The following KPNA6 variants were observed in gnomAD, a reference collection of about 807,000 sequenced individuals.
KPNA6 encodes the protein importin subunit alpha-7.
KPNA6 carries 9 observed loss-of-function variants against 72.0 expected under a neutral mutation model. The observed-to-expected ratio is 0.13, with a 90% CI of 0.08 to 0.22. The LOEUF is 0.22. KPNA6 is among the 10% of genes least tolerant of loss of function. KPNA6 has a pLI of 1.00. For missense variants in KPNA6, 374 were observed against 655.7 expected, an observed-to-expected ratio of 0.57 and a Z score of 4.69; for synonymous variants, 219 against 242.1, an observed-to-expected ratio of 0.90 and a Z score of 0.89.
intron 1 of KPNA6, among the ~76,000 whole-genome samples, chr1:32,118,968 A>ATGTGTG (rs1471672131): frequency 7.7e-6 from 1 of 129,614 alleles, no homozygotes; most frequent in Non-Finnish European, 1.6e-5. Flanking sequence ...GTCAAGCCAT[A>ATGTGTG]TATATGTGTG....
intron 1 of KPNA6, among the ~76,000 whole-genome samples, chr1:32,137,955 T>C (rs1156792076): frequency 1.3e-5 from 2 of 149,600 alleles, no homozygotes; most frequent in African/African-American, 4.9e-5. Context: ...GCCAACATGG[T>C]GAAACCCCAT....
In KPNA6 at chr1:32,173,121, C is replaced by G; in HGVS notation, c.*2227C>G. 3.2e-6 allele frequency: 1 copy of G among 314,540 alleles called. No homozygotes were observed. Among genetic ancestry groups the G allele is most frequent in the East Asian group, 4.9e-5 (1 of 20,484 alleles). The allele number at this position is 314,540 out of a possible 1,614,324, so 19.5% of individuals were successfully genotyped here. On this transcript the variant is annotated 3_prime_UTR_variant, in exon 14 of 14. Coordinates refer to ENST00000373625, the MANE Select transcript of KPNA6 (RefSeq NM_012316.5). ...CTCCCAGGAAGGCAGGGGGCAGAATCTTTTTTTCACTTGGCCTGCTACCTC... is the reference window on the plus strand; with the variant it reads ...CTCCCAGGAAGGCAGGGGGCAGAATGTTTTTTTCACTTGGCCTGCTACCTC...
At chr1:32,152,706 G>C (rs1342151182) in intron 1 of KPNA6, among the ~76,000 whole-genome samples, 1 of 151,904 alleles carries the variant, frequency 6.6e-6, no homozygotes, top group Non-Finnish European at 1.5e-5. Flanking sequence ...TTAGCCAGAC[G>C]TGGTGGCGGG....
At chr1:32,132,904 A>G (rs1325369004) in intron 1 of KPNA6, among the ~76,000 whole-genome samples, 4 of 151,182 alleles carry the variant, frequency 2.6e-5, no homozygotes, top group Non-Finnish European at 5.9e-5. Flanking sequence ...CTCCGTCTCA[A>G]AGAAAAAATA....
intron 1 of KPNA6, among the ~76,000 whole-genome samples, chr1:32,119,664 A>G (rs2124524957): frequency 6.6e-6 from 1 of 152,168 alleles, no homozygotes; most frequent in Admixed American, 6.6e-5. Flanking sequence ...AATTGTTGCC[A>G]TGGGGAAATG....
At chr1:32,128,403 A>G (rs868668638) in intron 1 of KPNA6, among the ~76,000 whole-genome samples, 5 of 124,552 alleles carry the variant, frequency 4.0e-5, no homozygotes, top group Non-Finnish European at 8.4e-5. Context: ...ATATATATAT[A>G]TATATATATA....
At chr1:32,151,052 C>G (rs1271774768) in intron 1 of KPNA6, among the ~76,000 whole-genome samples, 1 of 152,166 alleles carries the variant, frequency 6.6e-6, no homozygotes, top group Non-Finnish European at 1.5e-5. Context: ...CTCAGCCTTC[C>G]AAAGTGCTGA....
chr1:32,165,615 T>A (rs1337570961), intron 10 of KPNA6, among the ~76,000 whole-genome samples: 1 of 152,056 alleles, frequency 6.6e-6, no homozygotes, highest in African/African-American at 2.4e-5. Flanking sequence ...AGTAGAAGGA[T>A]TGCTTGAGAC....
At chr1:32,157,748 T>C (rs1642169796) in intron 4 of KPNA6, among the ~76,000 whole-genome samples, 1 of 152,184 alleles carries the variant, frequency 6.6e-6, no homozygotes, top group African/African-American at 2.4e-5. Flanking sequence ...ATATTTATCT[T>C]CTAACATAAT....
chr1:32,163,342 G>A, intron 10 of KPNA6, 29 bp downstream of exon 10: 1 of 1,529,952 alleles, frequency 6.5e-7, no homozygotes, highest in Non-Finnish European at 9.0e-7. Flanking sequence ...CAGGATCTTA[G>A]ACCAGCTATG....
At position 32,172,841 on chromosome 1, in the gene KPNA6, A is replaced by G. The variant is rs1269978768; in HGVS notation, c.*1947A>G. The G allele has an allele frequency of 5.5e-6, 2 of 363,958 alleles. No homozygotes were observed. Among genetic ancestry groups the G allele is most frequent in the Non-Finnish European group, 9.7e-6 (2 of 206,046 alleles). The allele number at this position is 363,958 out of a possible 1,614,324, so 22.5% of individuals were successfully genotyped here. A position where few individuals can be genotyped will look rare whatever the true frequency, so the allele number is the denominator to read the frequency against. Reference sequence around the variant, plus strand: ...CTGAAACAATGCCATTCTTGCTTCTATTGCTACACATCTCCTTCTGGCTCA... The same window carrying G: ...CTGAAACAATGCCATTCTTGCTTCTGTTGCTACACATCTCCTTCTGGCTCA... On this transcript the variant is annotated 3_prime_UTR_variant, in exon 14 of 14. Coordinates refer to ENST00000373625, the MANE Select transcript of KPNA6 (RefSeq NM_012316.5).
chr1:32,116,272 A>G (rs1383878969), intron 1 of KPNA6, among the ~76,000 whole-genome samples: 1 of 148,378 alleles, frequency 6.7e-6, no homozygotes, highest in East Asian at 2.0e-4. Flanking sequence ...GGTTCATGCC[A>G]TTCTCCTGCC....
chr1:32,129,662 C>T (rs575661466), intron 1 of KPNA6, among the ~76,000 whole-genome samples: 36 of 152,194 alleles, frequency 2.4e-4, no homozygotes, highest in South Asian at 2.1e-4. Flanking sequence ...CTCAAGTGAT[C>T]GTCCTGCCTT....
At chr1:32,130,303 C>G (rs1283218496) in intron 1 of KPNA6, among the ~76,000 whole-genome samples, 2 of 145,496 alleles carry the variant, frequency 1.4e-5, no homozygotes, top group African/African-American at 5.1e-5. Flanking sequence ...GACTGCTTCA[C>G]AGCTAGTAGA....
intron 1 of KPNA6, among the ~76,000 whole-genome samples, chr1:32,125,845 GT>G (rs1269060856): frequency 6.6e-6 from 1 of 151,936 alleles, no homozygotes; most frequent in Non-Finnish European, 1.5e-5. Context: ...ACCCTGTATA[GT>G]CAAATATTAT....
rs539501625 is a variant in KPNA6, at chr1:32,143,721, C to T, written c.5-10867C>T. Among the ~76,000 whole-genome samples the T allele has an allele frequency of 8.5e-5, 13 of 152,064 alleles. No individual in the cohort carries two copies. In the South Asian group the frequency reaches 2.5e-3, roughly 29 times the overall value. ...TCACTATTTCCAAATATTTTACTAC[C>T]CCTAACAGAAATTCTGTACCCACTA... On this transcript the variant is annotated intron_variant, in intron 1 of 13. Coordinates refer to ENST00000373625, the MANE Select transcript of KPNA6 (RefSeq NM_012316.5).
At chr1:32,129,155 T>C (rs1212778865) in intron 1 of KPNA6, among the ~76,000 whole-genome samples, 2 of 150,138 alleles carry the variant, frequency 1.3e-5, no homozygotes, top group East Asian at 3.9e-4. Context: ...CCTTCCTTCC[T>C]CTTTTTTTTC....
In KPNA6 at chr1:32,129,948, G is replaced by A. The variant is rs940448316; in HGVS notation, c.4+21814G>A. Among the ~76,000 whole-genome samples, 3 of 149,424 alleles carry A rather than the reference G, an allele frequency of 2.0e-5. No homozygotes were observed. In the Admixed American group the frequency reaches 2.0e-4, roughly 10 times the overall value. On this transcript the variant is annotated intron_variant, in intron 1 of 13. Coordinates refer to ENST00000373625, the MANE Select transcript of KPNA6 (RefSeq NM_012316.5). ...TGTCAAATAAGGAATATGTAGTGCT[G>A]GAAACATTGGCTGTCATGGAAATAC...
intron 1 of KPNA6, 49 bp from the exon 2 acceptor site, chr1:32,154,539 A>G (rs761912866): frequency 6.3e-7 from 1 of 1,595,176 alleles, no homozygotes; most frequent in South Asian, 1.1e-5. Context: ...AGTGAAAAGG[A>G]AATGCTGTCC....
Sources: gnomAD v4.1 joint callset for allele counts (sites outside exome capture counted in the v4.1 genomes callset) on GRCh38, gnomAD v4.1.1 for gene constraint, MANE v1.5 for transcripts, NCBI Gene and HGNC (gene_info 2026-07-23, HGNC 2026-07-21) for gene names.